The following ZNF638 variants were observed in gnomAD, a reference collection of about 807,000 sequenced individuals.
The protein encoded by ZNF638 is CTCL tumor antigen se33-1.
ZNF638 carries 46 observed loss-of-function variants against 195.6 expected under a neutral mutation model. The observed-to-expected ratio is 0.24, with a 90% CI of 0.19 to 0.30. The LOEUF (loss-of-function observed/expected upper bound fraction) is 0.30, where lower values mean the gene tolerates loss of function less well. Among genes scored for constraint, ZNF638 ranks in the 10% least tolerant of loss-of-function variants. ZNF638 has a pLI of 1.00. For missense variants in ZNF638, 2,440 were observed against 2,325.3 expected (o/e 1.05, Z -1.01); for synonymous variants, 845 against 772.0 (o/e 1.09, Z -1.57).
At chr2:71,388,284 T>G (rs2079686541) in intron 10 of ZNF638, 1 of 390,186 alleles carries the variant, frequency 2.6e-6, no homozygotes. Flanking sequence ...TCTAGATAAG[T>G]TTATTTACTT....
chr2:71,429,715 C>G (rs1370237284), intron 25 of ZNF638, among the ~76,000 whole-genome samples: 1 of 152,184 alleles, frequency 6.6e-6, no homozygotes, highest in Non-Finnish European at 1.5e-5. Context: ...CTACCACTTT[C>G]CTGAAAATGA....
intron 10 of ZNF638, among the ~76,000 whole-genome samples, chr2:71,394,508 A>G (rs2079852529): frequency 6.6e-6 from 1 of 152,182 alleles, no homozygotes; most frequent in Non-Finnish European, 1.5e-5. Flanking sequence ...CCTGAGTGCA[A>G]GGACAGGCTT....
At chr2:71,432,709 TTAC>T (rs2080691196) in intron 26 of ZNF638, among the ~76,000 whole-genome samples, 1 of 152,244 alleles carries the variant, frequency 6.6e-6, no homozygotes, top group Non-Finnish European at 1.5e-5. Context: ...CTGATTAAAA[TTAC>T]TACTATTGAT....
At chr2:71,334,921 C>CA (rs890541697) in intron 1 of ZNF638, among the ~76,000 whole-genome samples, 1,944 of 106,592 alleles carry the variant, frequency 0.018, 13 homozygotes, top group African/African-American at 0.034. Flanking sequence ...ACTCCGTCTC[C>CA]AAAAAAAAAA....
intron 1 of ZNF638, among the ~76,000 whole-genome samples, chr2:71,345,460 C>T (rs2078834952): frequency 1.3e-5 from 2 of 152,170 alleles, no homozygotes; most frequent in African/African-American, 4.8e-5. Flanking sequence ...GTGGTGGAAA[C>T]AGCTCAGTGC....
At chr2:71,396,697 C>T (rs998896217) in intron 11 of ZNF638, among the ~76,000 whole-genome samples, 1 of 152,186 alleles carries the variant, frequency 6.6e-6, no homozygotes, top group Admixed American at 6.5e-5. Flanking sequence ...ATAATCCCAT[C>T]ACTTTGGGAG....
At chr2:71,380,750 C>T (rs2079521770) in intron 10 of ZNF638, 185 bp downstream of exon 10, 2 of 444,522 alleles carry the variant, frequency 4.5e-6, no homozygotes, top group South Asian at 9.9e-5. Flanking sequence ...AGAATCACTT[C>T]TGGAGTAAAT....
At chr2:71,397,490 T>A (rs1226014452) in intron 11 of ZNF638, among the ~76,000 whole-genome samples, 1 of 152,210 alleles carries the variant, frequency 6.6e-6, no homozygotes, top group Non-Finnish European at 1.5e-5. Flanking sequence ...TAGATGTCAA[T>A]GAATGCTTTT....
chr2:71,409,893 T>A (rs1038791278), intron 20 of ZNF638, among the ~76,000 whole-genome samples: 5 of 152,250 alleles, frequency 3.3e-5, no homozygotes, highest in Non-Finnish European at 7.3e-5. Context: ...GTGGTTTTTC[T>A]GTTTGCTAGA....
intron 16 of ZNF638, 49 bp from the exon 17 acceptor site, chr2:71,403,820 GA>G: frequency 7.3e-7 from 1 of 1,373,016 alleles, no homozygotes; most frequent in South Asian, 1.5e-5. Context: ...CTGTTTTTGA[GA>G]AAAAGTAACA....
intron 6 of ZNF638, among the ~76,000 whole-genome samples, chr2:71,368,151 A>G (rs957830227): frequency 7.9e-5 from 12 of 152,328 alleles, no homozygotes; most frequent in South Asian, 2.1e-4. Flanking sequence ...GTTAAAAAAT[A>G]TAAATAACAT....
At position 71,423,736 on chromosome 2, in the gene ZNF638, G is replaced by T. The variant is rs367885788; in HGVS notation, c.4222G>T (p.Val1408Phe). 1 of 1,613,906 alleles carries T rather than the reference G, an allele frequency of 6.2e-7. No homozygotes were observed. Among genetic ancestry groups the T allele is most frequent in the Non-Finnish European group, 8.5e-7 (1 of 1,180,014 alleles). Residue 1408 changes from valine (V) to phenylalanine (F), a missense_variant, in exon 22 of 28, where the codon GTT becomes TTT. Val to Phe is a conservative substitution (Grantham distance 50). This residue lies in a region of ZNF638 where 1,883 missense variants were observed against 1,739.1 expected (regional missense o/e 1.08). Coordinates refer to ENST00000264447, the MANE Select transcript of ZNF638 (RefSeq NM_014497.5). ...CTCTTCTCCTAAGGCAAAAGCTACAGTTTCAAAAACTGAAAATCAGAAAAG... is the reference window on the plus strand; with the variant it reads ...CTCTTCTCCTAAGGCAAAAGCTACATTTTCAAAAACTGAAAATCAGAAAAG... Reference protein sequence around the residue: ...IVSSPKAKATVSKTENQKSFP... With the variant: ...IVSSPKAKATFSKTENQKSFP...
chr2:71,336,443 A>G (rs947874076), intron 1 of ZNF638, among the ~76,000 whole-genome samples: 7 of 151,986 alleles, frequency 4.6e-5, no homozygotes, highest in Non-Finnish European at 7.4e-5. Flanking sequence ...GCTAGATCTC[A>G]ATATAGGAAA....
intron 10 of ZNF638, among the ~76,000 whole-genome samples, chr2:71,394,276 C>A (rs548319286): frequency 6.6e-6 from 1 of 152,084 alleles, no homozygotes; most frequent in African/African-American, 2.4e-5. Flanking sequence ...TATCCCAGAC[C>A]CCAAGTAGAG....
chr2:71,417,135 T>C (rs1327041815), intron 20 of ZNF638, among the ~76,000 whole-genome samples: 1 of 149,374 alleles, frequency 6.7e-6, no homozygotes, highest in Non-Finnish European at 1.5e-5. Context: ...CGAGATTCCG[T>C]GGGCATAGGA....
At chr2:71,405,496 G>A in intron 17 of ZNF638, 105 bp from the exon 18 acceptor site, 2 of 675,054 alleles carry the variant, frequency 3.0e-6, no homozygotes, top group South Asian at 1.9e-5. Flanking sequence ...AAAATACTTT[G>A]TAATGCATAT....
At chr2:71,428,917 T>C (rs1232318968) in intron 25 of ZNF638, 1 of 276,780 alleles carries the variant, frequency 3.6e-6, no homozygotes, top group Non-Finnish European at 6.8e-6. Flanking sequence ...AGAAATTATT[T>C]ATTAACTAGC....
At chr2:71,391,015 A>G (rs1266405248) in intron 10 of ZNF638, among the ~76,000 whole-genome samples, 1 of 152,210 alleles carries the variant, frequency 6.6e-6, no homozygotes, top group Non-Finnish European at 1.5e-5. Flanking sequence ...TCAAGATCCA[A>G]TTTGGGTAGC....
At chr2:71,350,295 A>G (rs752826689) in intron 2 of ZNF638, 24 bp downstream of exon 2, 1 of 1,589,998 alleles carries the variant, frequency 6.3e-7, no homozygotes, top group East Asian at 2.2e-5. Context: ...AAAAAAGATC[A>G]CTGTATAATG....
Sources: gnomAD v4.1 joint callset for allele counts (sites outside exome capture counted in the v4.1 genomes callset) on GRCh38, gnomAD v4.1.1 for gene constraint, gnomAD v4.1.1 regional missense constraint, MANE v1.5 for transcripts, NCBI Gene and HGNC (gene_info 2026-07-23, HGNC 2026-07-21) for gene names.